MUC4: variants seen among roughly 807,000 people sequenced by gnomAD.
MUC4 encodes mucin 4, cell surface associated, also known as mucin-4.
In MUC4, 202 loss-of-function variants were observed where a neutral mutation model predicts 257.9. That is an observed-to-expected ratio of 0.78 (90% CI 0.70 to 0.88). The LOEUF (loss-of-function observed/expected upper bound fraction) is 0.88, where lower values mean the gene tolerates loss of function less well. Ranked by LOEUF, MUC4 falls within the 40% of genes least tolerant of loss-of-function variation. The pLI is 0.00. For synonymous variants in MUC4, 2,351 were observed against 2,757.1 expected, an observed-to-expected ratio of 0.85 and a Z score of 4.62; for missense variants, 5,976 against 6,513.7, an observed-to-expected ratio of 0.92 and a Z score of 2.84.
chr3:195,775,527 CACCCATACCTTCCACA>C (rs1476023768), intron 3 of MUC4, among the ~76,000 whole-genome samples: 7 of 136,068 alleles, frequency 5.1e-5, no homozygotes, highest in Admixed American at 1.4e-4. Context: ...ATACCTTCCA[CACCCATACCTTCCACA>C]GTCATACCTT....
chr3:195,767,612 C>CCACCACCACCACCACCACCATCACCAT (rs1721254309), intron 7 of MUC4, among the ~76,000 whole-genome samples: 1 of 73,880 alleles, frequency 1.4e-5, no homozygotes. Context: ...ATCACCATTG[C>CCACCACCACCACCACCACCATCACCAT]CACCACCATC....
Position 195,756,941 on chromosome 3 carries a change from G to A in MUC4, c.15168+206C>T, listed in dbSNP as rs904548334. Reference sequence around the variant, plus strand: ...CTCCAAAAGTGCTGAGATTAAAGGCGTGAGCCACTGCACCCGGCCAGAAAG... The same window carrying A: ...CTCCAAAAGTGCTGAGATTAAAGGCATGAGCCACTGCACCCGGCCAGAAAG... On this transcript the variant is annotated intron_variant, in intron 18 of 24. Transcript: ENST00000463781. Among the ~76,000 whole-genome samples, 4 of 152,162 alleles carry A rather than the reference G, an allele frequency of 2.6e-5. No homozygotes were observed. In the East Asian group the frequency reaches 5.8e-4, roughly 22 times the overall value.
rs774212238 is a variant in MUC4 at position 195,774,190 on chromosome 3, A to C, written c.13059T>G (p.Ser4353=). 1 of 1,608,100 alleles carries C rather than the reference A, an allele frequency of 6.2e-7. No individual in the cohort carries two copies. The highest frequency in any genetic ancestry group is 1.7e-5 in the Admixed American group (1 of 59,446). The change falls in exon 4 of 25, where the codon TCT becomes TCG. Residue 4353 remains serine, a synonymous_variant. Coordinates refer to ENST00000463781, the MANE Select transcript of MUC4 (RefSeq NM_018406.7). ...GACTCACGTAGAGGGAATCACGGAG[A>C]GAGGAGCCAAGGGGGAAGCCAGTCG... The part of the protein sequence containing the change: ...KPATGFPLGS[S]LRDSLYFTDN...
At position 195,786,870 on chromosome 3, in the gene MUC4, A is replaced by C. The variant is rs1249585405; in HGVS notation, c.4710T>G (p.Pro1570=). The change falls in exon 2 of 25, where the codon CCT becomes CCG. Residue 1570 remains proline, a synonymous_variant. Transcript: ENST00000463781. ...SVSTGHTTPL[P]VTSPSSASTG... is the part of the protein sequence containing the mutation. ...TAGATGCTGAGGAAGGGCTGGTGAC[A>C]GGAAGAGGGGTGGTGTGACCTGTGG... The C allele has an allele frequency of 6.5e-7, 1 of 1,536,326 alleles. No individual in the cohort carries two copies. The highest frequency in any genetic ancestry group is 1.4e-5 in the African/African-American group (1 of 71,210).
chr3:195,788,644 A>G lies in MUC4; in HGVS notation c.2936T>C (p.Val979Ala), dbSNP rs756297524. ...TGTGGATGCCGAGGAAGCGTAGGTG[A>G]CAGGAAGAGGGGTGGCGTTGCTGAT... ...ALISNATPLP[V>A]TYASSASTGH... The change falls in exon 2 of 25, where the codon GTC becomes GCC. Residue 979 changes from valine to alanine, a missense_variant. Physicochemically the swap from Val to Ala is moderately conservative, Grantham distance 64 (BLOSUM62 0). Coordinates refer to ENST00000463781, the MANE Select transcript of MUC4 (RefSeq NM_018406.7). The G allele has an allele frequency of 6.2e-7, 1 of 1,609,212 alleles. No individual in the cohort carries two copies. Among genetic ancestry groups the G allele is most frequent in the African/African-American group, 1.3e-5 (1 of 74,894 alleles).
Position 195,786,279 on chromosome 3 carries a change from G to C in MUC4, c.5301C>G (p.Ser1767=). The part of the protein sequence containing the change: ...QATPLPVTDT[S]SVSTAHATPL... Reference sequence around the variant, plus strand: ...GGGTGGCGTGAGCTGTGGATACTGAGGAAGTGTCGGTGACAGGAAGAGGGG... The same window carrying C: ...GGGTGGCGTGAGCTGTGGATACTGACGAAGTGTCGGTGACAGGAAGAGGGG... The change falls in exon 2 of 25, where the codon TCC becomes TCG. Residue 1767 remains serine (S), a synonymous_variant. Coordinates refer to ENST00000463781, the MANE Select transcript of MUC4 (RefSeq NM_018406.7). 4.0e-6 allele frequency: 6 copies of C among 1,500,934 alleles called. No individual in the cohort carries two copies. The East Asian group carries it at 7.5e-5, about 19-fold the overall frequency. The allele number at this position is 1,500,934 out of a possible 1,614,324, so 93.0% of individuals were successfully genotyped here.
intron 7 of MUC4, among the ~76,000 whole-genome samples, chr3:195,767,563 GCCACCACCATCA>G (rs1268854410): frequency 3.4e-3 from 69 of 20,300 alleles, no homozygotes; most frequent in East Asian, 6.6e-3. Flanking sequence ...CATTACCATT[GCCACCACCATCA>G]CCACCACCAT....
intron 24 of MUC4, among the ~76,000 whole-genome samples, 162 bp from the exon 25 acceptor site, chr3:195,747,542 T>G (rs1438443747): frequency 6.6e-6 from 1 of 152,258 alleles, no homozygotes; most frequent in Non-Finnish European, 1.5e-5. Flanking sequence ...GTGAGACCAC[T>G]GGGCAAAGGA....
Position 195,778,422 on chromosome 3 carries a change from C to T in MUC4, c.12824G>A (p.Gly4275Glu), listed in dbSNP as rs766138586. The change falls in exon 3 of 25, where the codon GGG (glycine) becomes GAG (glutamate). Residue 4275 changes from glycine to glutamate, a missense_variant. Physicochemically the swap from Gly to Glu is moderately conservative, Grantham distance 98. Transcript: ENST00000463781. The stretch of plus-strand genomic sequence containing the variant: ...GGGTGGTGATGTGGCTGTGCGTCTC[C>T]CACCGTCTGTCTTCAGTGACGGTGT... ...MTTPSLKTDG[G>E]RRTATSPPPT... 6.2e-7 allele frequency: 1 copy of T among 1,612,886 alleles called. No homozygotes were observed. The highest frequency in any genetic ancestry group is 1.3e-5 in the African/African-American group (1 of 74,988).
intron 14 of MUC4, 105 bp downstream of exon 14, chr3:195,761,982 G>T: frequency 7.7e-7 from 1 of 1,305,718 alleles, no homozygotes; most frequent in Non-Finnish European, 1.0e-6. Flanking sequence ...GCTCCAAGGA[G>T]GCGGAGAAAG....
In MUC4 at chr3:195,766,771, C is replaced by G. The variant is rs755881156; in HGVS notation, c.13530-20G>C. On this transcript the variant is annotated intron_variant, in intron 7 of 24. Coordinates refer to ENST00000463781, the MANE Select transcript of MUC4 (RefSeq NM_018406.7). ...TCTCCACTGCAGGAAAGGAGAGACT[C>G]TCAGGCCTCTGCCGTGCACAGGCTC... is the stretch of plus-strand genomic sequence containing the variant. 5 of 1,610,074 alleles carry G rather than the reference C, an allele frequency of 3.1e-6. No individual in the cohort carries two copies. The highest frequency in any genetic ancestry group is 4.2e-6 in the Non-Finnish European group (5 of 1,176,682).
Position 195,799,297 on chromosome 3 carries a change from T to C in MUC4, c.83-7800A>G, listed in dbSNP as rs116137254. 3.8e-3 allele frequency among the ~76,000 whole-genome samples: 575 copies of C among 150,520 alleles called. 3 individuals carry two copies. The highest frequency in any genetic ancestry group is 0.014 in the African/African-American group (555 of 41,040). On this transcript the variant is annotated intron_variant, in intron 1 of 24. Coordinates refer to ENST00000463781, the MANE Select transcript of MUC4 (RefSeq NM_018406.7). ...TGTGTGTCCCTGCCCTTATGGAACA[T>C]TGGACATAGCCTTTAAACATTTTTT...
intron 24 of MUC4, among the ~76,000 whole-genome samples, chr3:195,747,977 G>A (rs1365132356): frequency 2.0e-5 from 3 of 146,774 alleles, no homozygotes; most frequent in Non-Finnish European, 4.5e-5. Flanking sequence ...GCCCCAGCCC[G>A]GCCCCGCCCC....
In MUC4 at chr3:195,771,704, GGA is replaced by G; in HGVS notation, c.13188_13189del (p.Pro4397ValfsTer6). The G allele has an allele frequency of 1.2e-6, 2 of 1,613,940 alleles. No individual in the cohort carries two copies. Among genetic ancestry groups the G allele is most frequent in the Non-Finnish European group, 8.5e-7 (1 of 1,179,872 alleles). On this transcript the variant is annotated frameshift_variant, in exon 5 of 25. Coordinates refer to ENST00000463781, the MANE Select transcript of MUC4 (RefSeq NM_018406.7). LOFTEE classifies it high-confidence loss of function. ...GGAGAAGTCAGCATCGTCCCAGAAC[GGA>G]GCCACCAGGGCCACAGGGTCCCGGC...
chr3:195,768,221 G>A (rs1228122482), intron 7 of MUC4, among the ~76,000 whole-genome samples: 1 of 152,166 alleles, frequency 6.6e-6, no homozygotes, highest in Non-Finnish European at 1.5e-5. Flanking sequence ...AGAAACTAGT[G>A]AAAGCAGTGT....
chr3:195,789,044 C>T lies in MUC4; in HGVS notation c.2536G>A (p.Glu846Lys), dbSNP rs1262640535. The stretch of plus-strand genomic sequence containing the variant: ...TGACTGGCTGAGGCGGACAGCAATT[C>T]GGTTGTTGACTGGGTTGTGTGACTG... ...RDSHTTQSTT[E>K]LLSASASHGA... The change falls in exon 2 of 25, where the codon GAA becomes AAA. Residue 846 changes from glutamate (E) to lysine (K), a missense_variant. Physicochemically the swap from Glu to Lys is moderately conservative, Grantham distance 56. Transcript: ENST00000463781. The T allele has an allele frequency of 4.3e-6, 7 of 1,613,618 alleles. No individual in the cohort carries two copies. The highest frequency in any genetic ancestry group is 5.1e-6 in the Non-Finnish European group (6 of 1,179,812).
intron 2 of MUC4, 81 bp downstream of exon 2, chr3:195,778,709 C>A: frequency 7.0e-7 from 1 of 1,437,308 alleles, no homozygotes; most frequent in Non-Finnish European, 9.4e-7. Flanking sequence ...GCGAATGCAC[C>A]AGTGTTCTCA....
chr3:195,759,934 C>T (rs989400762), intron 16 of MUC4, among the ~76,000 whole-genome samples: 5 of 151,910 alleles, frequency 3.3e-5, no homozygotes, highest in African/African-American at 1.2e-4. Flanking sequence ...CACACACACA[C>T]GCACAAAACC....
chr3:195,779,720 G>C lies in MUC4; in HGVS notation c.11860C>G (p.Pro3954Ala). The C allele has an allele frequency of 7.2e-7, 1 of 1,394,684 alleles. No individual in the cohort carries two copies. Among genetic ancestry groups the C allele is most frequent in the Non-Finnish European group, 9.6e-7 (1 of 1,039,898 alleles). 86.4% of individuals were successfully genotyped at this position (1,394,684 alleles called of 1,614,324 possible). ...GATACTGAGGAAGTGTCGGTGACAG[G>C]AAGAGGGGTGGTGTCACCTGTGGAT... ...SASTGDTTPLPVTDTSSVSTG... is the reference protein window; with the variant it reads ...SASTGDTTPLAVTDTSSVSTG... The change falls in exon 2 of 25, where the codon CCT (proline) becomes GCT (alanine). Residue 3954 changes from proline (P) to alanine (A), a missense_variant. Physicochemically the swap from Pro to Ala is conservative, Grantham distance 27. Coordinates refer to ENST00000463781, the MANE Select transcript of MUC4 (RefSeq NM_018406.7).
Sources: gnomAD v4.1 joint callset for allele counts (sites outside exome capture counted in the v4.1 genomes callset) on GRCh38, gnomAD v4.1.1 for gene constraint, MANE v1.5 for transcripts, NCBI Gene and HGNC (gene_info 2026-07-23, HGNC 2026-07-21) for gene names.